CNTN6: variants seen among roughly 807,000 people sequenced by gnomAD.
CNTN6 encodes contactin-6.
Under a neutral mutation model 122.8 loss-of-function variants are expected in CNTN6, and 137 were observed. The observed-to-expected ratio is 1.12, with a 90% confidence interval of 0.97 to 1.29. CNTN6 has a LOEUF of 1.29. Ranked by LOEUF, CNTN6 falls within the 50% of genes most tolerant of loss-of-function variation. The probability of loss-of-function intolerance (pLI) is 0.00; values close to 1 mark genes in which losing one functional copy is unlikely to be tolerated. For synonymous variants in CNTN6, 570 were observed against 426.0 expected, an observed-to-expected ratio of 1.34 and a Z score of -4.16; for missense variants, 1,634 against 1,223.4, an observed-to-expected ratio of 1.34 and a Z score of -5.01.
intron 1 of CNTN6, among the ~76,000 whole-genome samples, chr3:1,145,629 C>A (rs1199843697): frequency 2.0e-5 from 3 of 152,078 alleles, no homozygotes; most frequent in Non-Finnish European, 4.4e-5. Context: ...CCAGTGAAAA[C>A]AAAGATTTAT....
chr3:1,373,480 C>A lies in CNTN6; in HGVS notation c.1787-124C>A, dbSNP rs1450149870. ...ATAGAACTTTATCGCTAATAATGTG[C>A]TATAAATACATTATGGTCAATATTT... On this transcript the variant is annotated intron_variant, in intron 14 of 22. Transcript: ENST00000446702. 4 of 821,340 alleles carry A rather than the reference C, an allele frequency of 4.9e-6. No individual in the cohort carries two copies. In the African/African-American group the frequency reaches 5.3e-5, roughly 11 times the overall value. The allele number at this position is 821,340 out of a possible 1,614,324, so 50.9% of individuals were successfully genotyped here.
At chr3:1,385,123 C>CTTAA (rs2126191477) in intron 19 of CNTN6, among the ~76,000 whole-genome samples, 1 of 151,934 alleles carries the variant, frequency 6.6e-6, no homozygotes. Context: ...AAAATAGGTA[C>CTTAA]TTAATTTATT....
At chr3:1,307,849 A>G (rs569900688) in intron 7 of CNTN6, among the ~76,000 whole-genome samples, 51 of 152,236 alleles carry the variant, frequency 3.4e-4, no homozygotes, top group African/African-American at 1.1e-3. Flanking sequence ...AACAATTTTC[A>G]TTACATATCA....
At chr3:1,274,828 G>C (rs73002400) in intron 4 of CNTN6, among the ~76,000 whole-genome samples, 70 of 152,226 alleles carry the variant, frequency 4.6e-4, no homozygotes, top group African/African-American at 1.5e-3. Context: ...CTACCCAGTA[G>C]TAGTAATTAC....
At chr3:1,357,032 C>T (rs1178334826) in intron 12 of CNTN6, among the ~76,000 whole-genome samples, 8 of 151,954 alleles carry the variant, frequency 5.3e-5, no homozygotes, top group South Asian at 2.1e-4. Flanking sequence ...TTTTAAAATG[C>T]AGCATATGTC....
chr3:1,100,570 T>C (rs1169083690), intron 1 of CNTN6, among the ~76,000 whole-genome samples: 2 of 152,180 alleles, frequency 1.3e-5, no homozygotes, highest in Admixed American at 1.3e-4. Context: ...AGCTATTATA[T>C]ATTTCAATCT....
At chr3:1,397,407 ACTT>A (rs1425095943) in intron 20 of CNTN6, among the ~76,000 whole-genome samples, 2 of 152,112 alleles carry the variant, frequency 1.3e-5, no homozygotes, top group Non-Finnish European at 2.9e-5. Context: ...CATATGCCAA[ACTT>A]CTTAAGTATT....
At chr3:1,226,979 TG>T (rs2094293040) in intron 3 of CNTN6, among the ~76,000 whole-genome samples, 1 of 152,294 alleles carries the variant, frequency 6.6e-6, no homozygotes, top group South Asian at 2.1e-4. Flanking sequence ...TCAAAATATT[TG>T]GGGATTTTGA....
Position 1,287,941 on chromosome 3 carries a change from G to T in CNTN6, c.455-7660G>T, listed in dbSNP as rs973029174. 4.7e-3 allele frequency among the ~76,000 whole-genome samples: 716 copies of T among 152,206 alleles called. 2 individuals are homozygous for T. The highest frequency in any genetic ancestry group is 0.016 in the African/African-American group (649 of 41,556). On this transcript the variant is annotated intron_variant, in intron 5 of 22. Transcript: ENST00000446702. ...AACCACGAAAATAGCCAGCTCTGAA[G>T]TAGCCACTGTTACTTATTCCTCTAC...
At chr3:1,356,485 G>T (rs1213601843) in intron 12 of CNTN6, among the ~76,000 whole-genome samples, 2 of 151,806 alleles carry the variant, frequency 1.3e-5, no homozygotes, top group East Asian at 1.9e-4. Context: ...TTTACTAAGA[G>T]AAATGCCCAA....
chr3:1,307,945 G>A (rs2125914850), intron 7 of CNTN6, among the ~76,000 whole-genome samples: 1 of 152,220 alleles, frequency 6.6e-6, no homozygotes, highest in South Asian at 2.1e-4. Flanking sequence ...GTTCTCCACT[G>A]TAAAATTACT....
chr3:1,245,308 A>AACATATATATATAT (rs1345442253), intron 4 of CNTN6, among the ~76,000 whole-genome samples: 6 of 15,660 alleles, frequency 3.8e-4, no homozygotes, highest in Non-Finnish European at 6.4e-4. Flanking sequence ...ATATATATAT[A>AACATATATATATAT]TATATATATA....
chr3:1,365,117 G>A (rs1412365774), intron 12 of CNTN6, among the ~76,000 whole-genome samples: 1 of 151,924 alleles, frequency 6.6e-6, no homozygotes, highest in Non-Finnish European at 1.5e-5. Flanking sequence ...AGCACACACA[G>A]AAGTAGAGGT....
At chr3:1,122,397 A>G (rs367985838) in intron 1 of CNTN6, among the ~76,000 whole-genome samples, 62 of 132,434 alleles carry the variant, frequency 4.7e-4, no homozygotes, top group Middle Eastern at 5.2e-3. Flanking sequence ...GAAGGAGGAA[A>G]GAAGGGGTTC....
At chr3:1,353,193 T>C (rs1435815733) in intron 12 of CNTN6, among the ~76,000 whole-genome samples, 2 of 151,706 alleles carry the variant, frequency 1.3e-5, no homozygotes, top group African/African-American at 4.8e-5. Flanking sequence ...CTTCTATCAT[T>C]TCATTGCCTC....
chr3:1,210,306 G>T (rs1377566368), intron 2 of CNTN6, among the ~76,000 whole-genome samples: 1 of 151,212 alleles, frequency 6.6e-6, no homozygotes, highest in African/African-American at 2.4e-5. Context: ...TTAAAATTTT[G>T]TGACTTGACA....
intron 7 of CNTN6, among the ~76,000 whole-genome samples, chr3:1,309,044 G>A (rs1698818558): frequency 6.6e-6 from 1 of 152,014 alleles, no homozygotes; most frequent in Admixed American, 6.6e-5. Context: ...CCTTTTATCA[G>A]ATATGCGTTT....
At chr3:1,378,789 GT>G (rs1710243136) in intron 17 of CNTN6, among the ~76,000 whole-genome samples, 1 of 152,120 alleles carries the variant, frequency 6.6e-6, no homozygotes, top group African/African-American at 2.4e-5. Flanking sequence ...CTCTCTTTCT[GT>G]TCTTTTACTG....
chr3:1,365,469 A>G (rs1287001589), intron 12 of CNTN6, among the ~76,000 whole-genome samples: 2 of 152,050 alleles, frequency 1.3e-5, no homozygotes, highest in Non-Finnish European at 2.9e-5. Flanking sequence ...TGAATATATG[A>G]CATATTTATG....
Sources: gnomAD v4.1 joint callset for allele counts (sites outside exome capture counted in the v4.1 genomes callset) on GRCh38, gnomAD v4.1.1 for gene constraint, MANE v1.5 for transcripts, NCBI Gene and HGNC (gene_info 2026-07-23, HGNC 2026-07-21) for gene names.